NRXN3: variants seen among roughly 807,000 people sequenced by gnomAD.
NRXN3 encodes the protein neurexin 3.
A neutral mutation model predicts 137.6 loss-of-function variants in NRXN3; 32 were observed. The ratio of observed to expected loss-of-function variants is 0.23; its 90% CI spans 0.18 to 0.31. The LOEUF is 0.31. Ranked by LOEUF, NRXN3 falls within the 10% of genes least tolerant of loss-of-function variation. The pLI is 1.00. For synonymous variants in NRXN3, 798 were observed against 784.5 expected (o/e 1.02, Z -0.29); for missense variants, 1,574 against 2,062.5 (o/e 0.76, Z 4.59).
Position 78,448,184 on chromosome 14 carries a change from C to T in NRXN3, c.757+150324C>T, listed in dbSNP as rs139856345. On this transcript the variant is annotated intron_variant, in intron 4 of 20. Transcript: ENST00000335750. ...CTGTTCAACTTATGATCTCCTTGCA[C>T]GGTGGCATCTAGTTTAGTCATTTTT... 2.0e-4 allele frequency among the ~76,000 whole-genome samples: 30 copies of T among 152,278 alleles called. No individual in the cohort carries two copies. The South Asian group carries it at 3.7e-3, about 19-fold the overall frequency.
chr14:79,679,054 AT>A (rs369039254), intron 17 of NRXN3, among the ~76,000 whole-genome samples: 3,706 of 149,594 alleles, frequency 0.025, 164 homozygotes, highest in African/African-American at 0.086. Context: ...TTTGGCTTAA[AT>A]TTTTTTTTTC....
At chr14:79,715,766 A>C (rs2098821658) in intron 19 of NRXN3, among the ~76,000 whole-genome samples, 2 of 152,178 alleles carry the variant, frequency 1.3e-5, no homozygotes, top group African/African-American at 4.8e-5. Flanking sequence ...AAAGGACCTG[A>C]GGTAGTGTTG....
At chr14:79,349,543 A>T (rs886984706) in intron 15 of NRXN3, among the ~76,000 whole-genome samples, 21 of 107,118 alleles carry the variant, frequency 2.0e-4, no homozygotes, top group African/African-American at 5.2e-4. Context: ...GGGAAAAAAA[A>T]ATACACACAC....
chr14:79,683,774 T>G (rs539023105), intron 17 of NRXN3, among the ~76,000 whole-genome samples: 1 of 152,316 alleles, frequency 6.6e-6, no homozygotes, highest in Admixed American at 6.5e-5. Flanking sequence ...TCAGTTACTC[T>G]CTGGCTCAGT....
chr14:79,852,995 A>G (rs1251114972), intron 20 of NRXN3, among the ~76,000 whole-genome samples: 1 of 152,100 alleles, frequency 6.6e-6, no homozygotes, highest in Non-Finnish European at 1.5e-5. Flanking sequence ...TCCCTCTTTA[A>G]ATGTGGAACA....
chr14:78,518,954 T>G (rs2096249869), intron 4 of NRXN3, among the ~76,000 whole-genome samples: 1 of 152,054 alleles, frequency 6.6e-6, no homozygotes, highest in Non-Finnish European at 1.5e-5. Context: ...AAAAATAACC[T>G]TAATCAGGAA....
intron 15 of NRXN3, among the ~76,000 whole-genome samples, chr14:79,403,053 C>CT (rs1428226474): frequency 6.6e-6 from 1 of 152,034 alleles, no homozygotes; most frequent in Admixed American, 6.6e-5. Flanking sequence ...ATATTTGTTT[C>CT]TTTTGGGGGG....
intron 2 of NRXN3, among the ~76,000 whole-genome samples, chr14:78,247,182 T>C (rs969761291): frequency 1.3e-5 from 2 of 152,180 alleles, no homozygotes; most frequent in African/African-American, 4.8e-5. Context: ...CTCCATGCCT[T>C]GTTGGCTCCA....
intron 15 of NRXN3, among the ~76,000 whole-genome samples, chr14:79,115,651 G>T (rs1372516477): frequency 1.3e-5 from 2 of 152,162 alleles, no homozygotes; most frequent in African/African-American, 4.8e-5. Flanking sequence ...GAAAGTAAAT[G>T]TATCTGCCTG....
At chr14:79,120,132 G>C (rs897412796) in intron 15 of NRXN3, among the ~76,000 whole-genome samples, 21 of 152,096 alleles carry the variant, frequency 1.4e-4, no homozygotes, top group African/African-American at 4.6e-4. Flanking sequence ...TTATCAAATG[G>C]CCAGCGAGAT....
At chr14:79,841,855 A>T (rs916809026) in intron 20 of NRXN3, among the ~76,000 whole-genome samples, 6 of 152,386 alleles carry the variant, frequency 3.9e-5, no homozygotes, top group African/African-American at 1.4e-4. Flanking sequence ...GTGGATAAGA[A>T]GGTCCAATTT....
chr14:79,025,612 G>A (rs538948372), intron 15 of NRXN3, among the ~76,000 whole-genome samples: 1 of 152,006 alleles, frequency 6.6e-6, no homozygotes, highest in Non-Finnish European at 1.5e-5. Flanking sequence ...CTTTCCCTGT[G>A]AACACTTTCT....
chr14:78,887,997 G>A (rs530432286), intron 10 of NRXN3, among the ~76,000 whole-genome samples: 3 of 152,138 alleles, frequency 2.0e-5, no homozygotes, highest in African/African-American at 4.8e-5. Context: ...TAAATCATCT[G>A]GGTATGATCT....
At chr14:79,819,172 C>A (rs749514753) in intron 20 of NRXN3, among the ~76,000 whole-genome samples, 1 of 152,082 alleles carries the variant, frequency 6.6e-6, no homozygotes, top group Non-Finnish European at 1.5e-5. Flanking sequence ...ACACTTTGAG[C>A]GTCTTACAGT....
intron 10 of NRXN3, among the ~76,000 whole-genome samples, chr14:78,860,053 C>G (rs2099068319): frequency 6.6e-6 from 1 of 151,920 alleles, no homozygotes; most frequent in Non-Finnish European, 1.5e-5. Context: ...ACAGTTTGGC[C>G]CAATTGGATG....
chr14:79,775,302 G>A (rs191445119), intron 19 of NRXN3, among the ~76,000 whole-genome samples: 1 of 152,224 alleles, frequency 6.6e-6, no homozygotes, highest in East Asian at 1.9e-4. Context: ...AGAGTTGAAT[G>A]AGGTTCTGTC....
chr14:78,688,520 TA>T (rs1197164922), intron 6 of NRXN3, among the ~76,000 whole-genome samples: 1 of 152,094 alleles, frequency 6.6e-6, no homozygotes, highest in Non-Finnish European at 1.5e-5. Context: ...AAGAGAATGG[TA>T]AGTGTGGAAT....
At chr14:79,547,307 C>G (rs2097330438) in intron 16 of NRXN3, among the ~76,000 whole-genome samples, 1 of 152,156 alleles carries the variant, frequency 6.6e-6, no homozygotes, top group African/African-American at 2.4e-5. Context: ...CTCCATCTAT[C>G]TTCTTTTAAC....
intron 20 of NRXN3, among the ~76,000 whole-genome samples, chr14:79,857,762 C>T (rs191542175): frequency 5.3e-5 from 8 of 152,218 alleles, no homozygotes; most frequent in South Asian, 2.1e-4. Context: ...TAAGGACCCC[C>T]GTGTACTGCA....
Sources: allele counts gnomAD v4.1 joint callset (sites outside exome capture counted in the v4.1 genomes callset), GRCh38; gene constraint gnomAD v4.1.1; transcripts MANE v1.5; gene names NCBI Gene and HGNC (gene_info 2026-07-23, HGNC 2026-07-21).